The following ZNF273 variants were observed in gnomAD, a reference collection of about 807,000 sequenced individuals.
ZNF273 encodes the protein zinc finger protein 273, also known as zinc finger protein 9.
ZNF273 carries 11 observed loss-of-function variants against 14.9 expected under a neutral mutation model. The ratio of observed to expected loss-of-function variants is 0.74; its 90% CI spans 0.46 to 1.22. The LOEUF is 1.22. Ranked by LOEUF, ZNF273 falls within the 50% of genes most tolerant of loss-of-function variation. The pLI is 0.00. For missense variants in ZNF273, 577 were observed against 660.6 expected (o/e 0.87, Z 1.39); for synonymous variants, 199 against 223.9 (o/e 0.89, Z 0.99).
chr7:64,897,056 T>C (rs1486081259), intron 3 of ZNF273, among the ~76,000 whole-genome samples: 2 of 152,128 alleles, frequency 1.3e-5, no homozygotes, highest in Admixed American at 6.5e-5. Flanking sequence ...ACAAAAACTA[T>C]AGAAGCAGAG....
chr7:64,933,596 G>T (rs1795034854), downstream of ZNF273: 2 of 152,116 alleles, frequency 1.3e-5, no homozygotes, highest in African/African-American at 4.8e-5. Flanking sequence ...ACTGTACTGG[G>T]TCCAGAACAT....
downstream of ZNF273, among the ~76,000 whole-genome samples, chr7:64,890,996 G>A (rs1201277033): frequency 1.3e-5 from 2 of 152,212 alleles, no homozygotes; most frequent in Admixed American, 1.3e-4. Context: ...ACTCATTTCT[G>A]CAGGGGCAGA....
intron 3 of ZNF273, among the ~76,000 whole-genome samples, chr7:64,922,241 C>CA (rs1451746819): frequency 6.6e-6 from 1 of 151,798 alleles, no homozygotes; most frequent in Non-Finnish European, 1.5e-5. Context: ...CTTCCAAACT[C>CA]AGATGATTCT....
intron 1 of ZNF273, among the ~76,000 whole-genome samples, chr7:64,914,180 G>GTTTT (rs1793773323): frequency 4.8e-5 from 3 of 63,080 alleles, no homozygotes; most frequent in Middle Eastern, 0.012. Context: ...GGTAATTTTT[G>GTTTT]TATTTTTTTT....
downstream of ZNF273, among the ~76,000 whole-genome samples, chr7:64,934,780 A>G (rs1287412705): frequency 6.6e-6 from 1 of 151,960 alleles, no homozygotes; most frequent in East Asian, 1.9e-4. Context: ...TGCTTTGGCT[A>G]TACAGGATCT....
At chr7:64,884,586 G>C (rs1355569042), downstream of ZNF273, among the ~76,000 whole-genome samples, 1 of 152,120 alleles carries the variant, frequency 6.6e-6, no homozygotes, top group East Asian at 1.9e-4. Flanking sequence ...GGACTCCCTG[G>C]GGGGCCCTGG....
intron 1 of ZNF273, among the ~76,000 whole-genome samples, chr7:64,907,936 C>A (rs1435515530): frequency 6.6e-6 from 1 of 152,184 alleles, no homozygotes. Context: ...CACTCTCAAA[C>A]ATACGCACTA....
At chr7:64,888,776 C>A (rs1791769642) in exon 2 of ZNF273, 2 of 985,744 alleles carry the variant, frequency 2.0e-6, no homozygotes, top group East Asian at 1.1e-4. Flanking sequence ...GCTGCCACTG[C>A]CGACTCCATG....
downstream of ZNF273, among the ~76,000 whole-genome samples, chr7:64,891,429 C>T (rs35740030): frequency 0.42 from 63,379 of 152,046 alleles, 13,430 homozygotes; most frequent in South Asian, 0.45. Context: ...ACAGCCAGAA[C>T]CAGAGGGGCC....
intron 1 of ZNF273, among the ~76,000 whole-genome samples, chr7:64,906,890 A>G (rs1365119995): frequency 6.6e-6 from 1 of 152,228 alleles, no homozygotes; most frequent in Non-Finnish European, 1.5e-5. Flanking sequence ...AGTACCAACT[A>G]TAAGATCTTG....
chr7:64,894,238 C>T (rs116584416), downstream of ZNF273, among the ~76,000 whole-genome samples: 1,398 of 152,316 alleles, frequency 9.2e-3, 16 homozygotes, highest in African/African-American at 0.032. Context: ...CTTCTGACCT[C>T]AAGTGGTGCA....
chr7:64,901,194 GGTTTTA>G (rs993367573), upstream of ZNF273, among the ~76,000 whole-genome samples: 1 of 152,032 alleles, frequency 6.6e-6, no homozygotes, highest in Non-Finnish European at 1.5e-5. Context: ...GTAGAGATGA[GGTTTTA>G]CCATGTTGGC....
intron 1 of ZNF273, chr7:64,917,228 C>G (rs934923809): frequency 4.3e-5 from 28 of 658,070 alleles, no homozygotes; most frequent in Admixed American, 1.3e-4. Flanking sequence ...AATTTTAAAG[C>G]TAGCTTGTAA....
At chr7:64,925,237 G>A (rs1021958880) in intron 3 of ZNF273, among the ~76,000 whole-genome samples, 1 of 151,730 alleles carries the variant, frequency 6.6e-6, no homozygotes, top group African/African-American at 2.4e-5. Flanking sequence ...TTTGATTCTT[G>A]TATCTTTGTC....
rs189525190 is a variant in ZNF273 at position 64,918,057 on chromosome 7, T to G, written c.230-140T>G. ...CAAATTTAAAATATTTTTTAAATAT[T>G]TAGAAATTTACATTACTAATTAGAT... is the stretch of plus-strand genomic sequence containing the variant. On this transcript the variant is annotated intron_variant, in intron 2 of 3. Coordinates refer to ENST00000476120, the MANE Select transcript of ZNF273 (RefSeq NM_021148.3). 5.5e-6 allele frequency: 4 copies of G among 731,858 alleles called. No individual in the cohort carries two copies. The East Asian group carries it at 1.8e-4, about 32-fold the overall frequency. 45.3% of individuals were successfully genotyped at this position (731,858 alleles called of 1,614,324 possible).
chr7:64,920,096 T>C (rs1584002390), intron 3 of ZNF273, among the ~76,000 whole-genome samples: 1 of 152,080 alleles, frequency 6.6e-6, no homozygotes, highest in Non-Finnish European at 1.5e-5. Flanking sequence ...CCCAGAGTGA[T>C]GGTTTGCCCT....
intron 3 of ZNF273, chr7:64,923,272 C>T (rs1367493814): frequency 4.5e-6 from 2 of 446,502 alleles, no homozygotes; most frequent in African/African-American, 4.1e-5. Context: ...GTTAGAATAT[C>T]TTCCGCTTTT....
downstream of ZNF273, among the ~76,000 whole-genome samples, chr7:64,892,038 G>A (rs779015724): frequency 1.8e-4 from 28 of 152,134 alleles, no homozygotes; most frequent in Non-Finnish European, 3.7e-4. Flanking sequence ...CTCAGAAAAT[G>A]ACCCTGGCTC....
chr7:64,903,162 AG>A (rs1792838328), upstream of ZNF273: 1 of 580,076 alleles, frequency 1.7e-6, no homozygotes, highest in Non-Finnish European at 3.0e-6. Flanking sequence ...TCAGGGCCTG[AG>A]GGGGCGGGTC....
Sources: gnomAD v4.1 joint callset for allele counts (sites outside exome capture counted in the v4.1 genomes callset) on GRCh38, gnomAD v4.1.1 for gene constraint, MANE v1.5 for transcripts, NCBI Gene and HGNC (gene_info 2026-07-23, HGNC 2026-07-21) for gene names.